The following ADGRL2 variants were observed in gnomAD, a reference collection of about 807,000 sequenced individuals.
ADGRL2 encodes adhesion G protein-coupled receptor L2.
In ADGRL2, 44 loss-of-function variants were observed where a neutral mutation model predicts 157.4. The ratio of observed to expected loss-of-function variants is 0.28; its 90% CI spans 0.22 to 0.36. The LOEUF is 0.36. Ranked by LOEUF, ADGRL2 falls within the 10% of genes least tolerant of loss-of-function variation. ADGRL2 has a pLI of 1.00. For missense variants in ADGRL2, 1,510 were observed against 1,768.9 expected (o/e 0.85, Z 2.63); for synonymous variants, 585 against 624.7 (o/e 0.94, Z 0.95).
intron 2 of ADGRL2, among the ~76,000 whole-genome samples, chr1:81,864,334 T>G (rs1246928162): frequency 4.6e-5 from 7 of 152,124 alleles, no homozygotes; most frequent in Admixed American, 4.6e-4. Context: ...CAAATACGTA[T>G]ATATTTAGTG....
At chr1:81,962,392 T>C (rs1173891608) in intron 11 of ADGRL2, among the ~76,000 whole-genome samples, 1 of 152,156 alleles carries the variant, frequency 6.6e-6, no homozygotes. Flanking sequence ...TACTGGACAC[T>C]AATCCTGTAA....
intron 2 of ADGRL2, among the ~76,000 whole-genome samples, chr1:81,781,330 A>G (rs575660665): frequency 3.3e-5 from 5 of 152,248 alleles, no homozygotes; most frequent in Non-Finnish European, 7.4e-5. Context: ...CCGTAGTGAC[A>G]AGGGTGTAGC....
In ADGRL2 at chr1:81,356,870, G is replaced by A. The variant is rs534451553; in HGVS notation, c.-302+50361G>A. Among the ~76,000 whole-genome samples, 7 of 149,616 alleles carry A rather than the reference G, an allele frequency of 4.7e-5. 1 individual carries two copies. In the South Asian group the frequency reaches 1.5e-3, roughly 32 times the overall value. On this transcript the variant is annotated intron_variant, in intron 1 of 24. Transcript: ENST00000370721. ...CGGGAGGCTGAGGCAGGAGAATGGC[G>A]TGAACCCGGGAGGCGGAGCTTGCAG...
chr1:81,678,599 C>G (rs1351560133), intron 3 of ADGRL2, among the ~76,000 whole-genome samples: 1 of 152,186 alleles, frequency 6.6e-6, no homozygotes. Context: ...CCATTCTTCC[C>G]TTTCCATGCT....
chr1:81,545,341 C>A lies in ADGRL2; in HGVS notation c.-247-35535C>A, dbSNP rs150228733. Among the ~76,000 whole-genome samples the A allele has an allele frequency of 3.2e-3, 480 of 150,474 alleles. 3 individuals are homozygous for A. Among genetic ancestry groups the A allele is most frequent in the Non-Finnish European group, 4.1e-3 (275 of 67,858 alleles). Reference sequence around the variant, plus strand: ...TCACTCTTTCGCCCAGGCTGGAGTGCAGCGATGTGATCTTGGCTGTCTGCA... The same window carrying A: ...TCACTCTTTCGCCCAGGCTGGAGTGAAGCGATGTGATCTTGGCTGTCTGCA... On this transcript the variant is annotated intron_variant, in intron 2 of 24. Coordinates refer to the ADGRL2 transcript ENST00000370721.
At chr1:81,902,639 C>A (rs1415552999) in intron 2 of ADGRL2, among the ~76,000 whole-genome samples, 1 of 138,846 alleles carries the variant, frequency 7.2e-6, no homozygotes, top group Non-Finnish European at 1.5e-5. Flanking sequence ...TTCTGTCAGT[C>A]TTAAGGTCTC....
chr1:81,966,427 A>C lies in ADGRL2; in HGVS notation c.2167A>C (p.Ile723Leu), dbSNP rs764403869. Residue 723 changes from isoleucine (I) to leucine (L), a missense_variant, in exon 13 of 24, where the codon ATT becomes CTT. Physicochemically the swap from Ile to Leu is conservative, Grantham distance 5. Coordinates refer to ENST00000686636, the MANE Select transcript of ADGRL2 (RefSeq NM_001366006.2). ...RNGLAKLVFIIYRSLGQFLST... is the reference protein window; with the variant it reads ...RNGLAKLVFILYRSLGQFLST... ...AGGGCTTGCAAAGTTGGTGTTCATC[A>C]TTTACCGGAGCCTGGGACAGTTCCT... The C allele has an allele frequency of 1.2e-6, 2 of 1,614,066 alleles. No individual in the cohort carries two copies. The highest frequency in any genetic ancestry group is 1.7e-6 in the Non-Finnish European group (2 of 1,179,990).
chr1:81,817,557 A>G (rs2090537452), intron 1 of ADGRL2, among the ~76,000 whole-genome samples: 1 of 152,100 alleles, frequency 6.6e-6, no homozygotes, highest in South Asian at 2.1e-4. Context: ...AAAATATAGT[A>G]CAAATATCTA....
At chr1:81,651,274 A>T (rs1358014885) in intron 3 of ADGRL2, among the ~76,000 whole-genome samples, 1 of 152,232 alleles carries the variant, frequency 6.6e-6, no homozygotes, top group Non-Finnish European at 1.5e-5. Context: ...ATTAGAAAAA[A>T]AAATCAAAAT....
In ADGRL2 at chr1:81,409,959, C is replaced by T. The variant is rs115258010; in HGVS notation, c.-301-35077C>T. On this transcript the variant is annotated intron_variant, in intron 1 of 24. Coordinates refer to the ADGRL2 transcript ENST00000370721. The stretch of plus-strand genomic sequence containing the variant: ...ATATTTGAGCAGTAAGAAGAACCTG[C>T]TTCCCAAAGGGAAAAAGAAACTGGG... 2.6e-3 allele frequency among the ~76,000 whole-genome samples: 401 copies of T among 152,256 alleles called. 1 individual carries two copies. Among genetic ancestry groups the T allele is most frequent in the African/African-American group, 9.1e-3 (379 of 41,550 alleles).
intron 3 of ADGRL2, among the ~76,000 whole-genome samples, chr1:81,640,844 T>G (rs898186962): frequency 2.0e-5 from 3 of 152,094 alleles, no homozygotes; most frequent in African/African-American, 7.2e-5. Flanking sequence ...GATAGGCCAG[T>G]TTAAATCTCC....
At chr1:81,743,555 T>C (rs536510988) in intron 1 of ADGRL2, among the ~76,000 whole-genome samples, 22 of 152,046 alleles carry the variant, frequency 1.4e-4, no homozygotes, top group African/African-American at 5.3e-4. Context: ...ATTAGAAGAA[T>C]AAAAAAGACT....
intron 3 of ADGRL2, among the ~76,000 whole-genome samples, chr1:81,640,307 A>C (rs2082192866): frequency 6.6e-6 from 1 of 152,116 alleles, no homozygotes; most frequent in African/African-American, 2.4e-5. Context: ...AGAGAAACCT[A>C]GATGAGCATG....
intron 3 of ADGRL2, among the ~76,000 whole-genome samples, chr1:81,592,352 G>T (rs934806106): frequency 6.6e-6 from 1 of 152,190 alleles, no homozygotes; most frequent in Non-Finnish European, 1.5e-5. Flanking sequence ...AATGTGTTCC[G>T]ATAAAATGTT....
At chr1:81,684,073 C>G (rs1181414468) in intron 3 of ADGRL2, among the ~76,000 whole-genome samples, 9 of 152,168 alleles carry the variant, frequency 5.9e-5, no homozygotes, top group Non-Finnish European at 1.3e-4. Flanking sequence ...CCTCAGCCTC[C>G]CGAAGTGCTG....
chr1:81,937,697 T>G lies in ADGRL2; in HGVS notation c.397+860T>G, dbSNP rs562049999. Among the ~76,000 whole-genome samples the G allele has an allele frequency of 2.6e-5, 4 of 151,836 alleles. No individual in the cohort carries two copies. In the South Asian group the frequency reaches 8.3e-4, roughly 31 times the overall value. ...ATTTAGTCATGTTAGTTCATGGGCG[T>G]TTGAATTATATGTTTTTTATCAGCA... On this transcript the variant is annotated intron_variant, in intron 4 of 23. Coordinates refer to ENST00000686636, the MANE Select transcript of ADGRL2 (RefSeq NM_001366006.2).
At chr1:81,441,247 A>C (rs1032134149) in intron 1 of ADGRL2, among the ~76,000 whole-genome samples, 3 of 152,196 alleles carry the variant, frequency 2.0e-5, no homozygotes, top group African/African-American at 7.2e-5. Flanking sequence ...AGTACTGTTA[A>C]ATTTTAAATA....
intron 2 of ADGRL2, among the ~76,000 whole-genome samples, chr1:81,554,378 G>T (rs757830469): frequency 1.5e-4 from 23 of 152,088 alleles, no homozygotes; most frequent in Admixed American, 7.9e-4. Context: ...AAATACATGA[G>T]GTTCCCAGAA....
chr1:81,482,001 A>G (rs955356299), intron 2 of ADGRL2, among the ~76,000 whole-genome samples: 8 of 152,134 alleles, frequency 5.3e-5, no homozygotes, highest in African/African-American at 1.7e-4. Flanking sequence ...ACTGCTCTCT[A>G]TGGCTCTTTG....
Sources: allele counts gnomAD v4.1 joint callset (sites outside exome capture counted in the v4.1 genomes callset), GRCh38; gene constraint gnomAD v4.1.1; transcripts MANE v1.5; gene names NCBI Gene and HGNC (gene_info 2026-07-23, HGNC 2026-07-21).